Variants in MDGA1 observed in about 807,000 individuals in gnomAD.
The protein encoded by MDGA1 is MAM domain containing glycosylphosphatidylinositol anchor 1.
MDGA1 carries 54 observed loss-of-function variants against 101.5 expected under a neutral mutation model. The ratio of observed to expected loss-of-function variants is 0.53; its 90% CI spans 0.43 to 0.67. The LOEUF (loss-of-function observed/expected upper bound fraction) is 0.67. Ranked by LOEUF, MDGA1 falls within the 30% of genes least tolerant of loss-of-function variation. MDGA1 has a pLI of 0.00. For synonymous variants in MDGA1, 533 were observed against 558.3 expected (o/e 0.95, Z 0.64); for missense variants, 1,083 against 1,323.8 (o/e 0.82, Z 2.82).
At chr6:37,657,262 A>G (rs73734235) in intron 3 of MDGA1, among the ~76,000 whole-genome samples, 7,366 of 152,316 alleles carry the variant, frequency 0.048, 355 homozygotes, top group African/African-American at 0.12. Context: ...CCGTTTTTTT[A>G]AAGGGTCCCC....
intron 7 of MDGA1, among the ~76,000 whole-genome samples, chr6:37,651,238 AATTTCTTTT>A (rs1311076062): frequency 4.6e-5 from 7 of 152,220 alleles, no homozygotes; most frequent in Non-Finnish European, 1.0e-4. Flanking sequence ...TAACACTGTT[AATTTCTTTT>A]ATTCACGGCA....
At chr6:37,693,963 G>A (rs780300656) in intron 1 of MDGA1, among the ~76,000 whole-genome samples, 1 of 152,144 alleles carries the variant, frequency 6.6e-6, no homozygotes, top group Non-Finnish European at 1.5e-5. Context: ...GTGGGAAGCA[G>A]GACATAGGGT....
At chr6:37,695,866 G>T (rs1044565314) in intron 1 of MDGA1, among the ~76,000 whole-genome samples, 5 of 152,206 alleles carry the variant, frequency 3.3e-5, no homozygotes, top group Non-Finnish European at 4.4e-5. Flanking sequence ...TGGGGTTAAG[G>T]CACTGCGGGA....
chr6:37,696,837 CGAGGCGGCGCAGCCCGA>C lies in MDGA1; in HGVS notation c.-43_-27del, dbSNP rs755778254. On this transcript the variant is annotated 5_prime_UTR_variant, in exon 1 of 17. The change abolishes the stop of an existing upstream ORF in the 5' untranslated region. Transcript: ENST00000434837. This position sits in a 1 kb window ranked among gnomAD's most constrained non-coding sequence, Gnocchi z 5.6. Reference sequence around the variant, plus strand: ...CTTCACGGCCGGTGCTTCATCCCCGCGAGGCGGCGCAGCCCGAGAGGCGGCGGGGGGCGCATTCGCCG... The same window carrying C: ...CTTCACGGCCGGTGCTTCATCCCCGCGAGGCGGCGGGGGGCGCATTCGCCG... 4.5e-6 allele frequency: 7 copies of C among 1,554,786 alleles called. No individual in the cohort carries two copies. In the Admixed American group the frequency reaches 1.2e-4, roughly 26 times the overall value.
intron 1 of MDGA1, among the ~76,000 whole-genome samples, chr6:37,680,754 C>T (rs1308779310): frequency 6.6e-6 from 1 of 152,272 alleles, no homozygotes; most frequent in Non-Finnish European, 1.5e-5. Flanking sequence ...GCCCCCCTGC[C>T]ACTTGGCCCA....
At chr6:37,642,783 G>A (rs1441834667) in intron 14 of MDGA1, among the ~76,000 whole-genome samples, 1 of 152,154 alleles carries the variant, frequency 6.6e-6, no homozygotes, top group Non-Finnish European at 1.5e-5. Context: ...CTCCTGGCTG[G>A]TAGCATGAGT....
Position 37,638,299 on chromosome 6 carries a change from C to T in MDGA1, c.2682G>A (p.Gly894=). ...PSGPFQIIFE[G]VRGPGYLGDI... is the part of the protein sequence containing the mutation. ...CCCCCAGGTAGCCCGGGCCTCGAAC[C>T]CCCTCAAAAATAATCTGGGGTGGGG... The change falls in exon 16 of 17, where the codon GGG becomes GGA. Residue 894 remains glycine, a synonymous_variant. Transcript: ENST00000434837. This position sits in a 1 kb window ranked among gnomAD's most constrained non-coding sequence, Gnocchi z 4.8. 3.7e-6 allele frequency: 6 copies of T among 1,608,678 alleles called. No individual in the cohort carries two copies. The highest frequency in any genetic ancestry group is 5.1e-6 in the Non-Finnish European group (6 of 1,177,144).
At chr6:37,684,698 G>A (rs1004581983) in intron 1 of MDGA1, among the ~76,000 whole-genome samples, 1 of 152,200 alleles carries the variant, frequency 6.6e-6, no homozygotes, top group African/African-American at 2.4e-5. Context: ...CTGGCTGGCA[G>A]CTGAGCTCAC....
intron 13 of MDGA1, 147 bp downstream of exon 13, chr6:37,644,350 T>G (rs909034168): frequency 3.7e-5 from 34 of 907,296 alleles, no homozygotes; most frequent in Non-Finnish European, 5.3e-5. Context: ...CGAGGCTGTG[T>G]CTCCCCTCAG....
At position 37,646,312 on chromosome 6, in the gene MDGA1, G is replaced by A. The variant is rs796539096; in HGVS notation, c.2110C>T (p.Leu704=). Residue 704 remains leucine (L), a synonymous_variant, in exon 11 of 17, where the codon CTG becomes TTG. Coordinates refer to ENST00000434837, the MANE Select transcript of MDGA1 (RefSeq NM_153487.4). ...PVRRVEKGQL[L]EYILTDLRVP... is the part of the protein sequence containing the mutation. ...CGGAGATCGGTCAGGATGTACTCCA[G>A]CAGCTGCCCCTTCTCCACACGCCGG... is the stretch of plus-strand genomic sequence containing the variant. 5.0e-6 allele frequency: 8 copies of A among 1,595,104 alleles called. No homozygotes were observed. The African/African-American group carries it at 6.7e-5, about 13-fold the overall frequency.
chr6:37,637,553 C>CTCCAAAGAGGTGGGCAG, intron 16 of MDGA1, 94 bp from the exon 17 acceptor site: 4 of 1,080,748 alleles, frequency 3.7e-6, no homozygotes, highest in African/African-American at 1.5e-5. Flanking sequence ...TTACTCTGCC[C>CTCCAAAGAGGTGGGCAG]ACCTCTTTGG....
chr6:37,662,975 TAAG>T (rs1761661930), intron 2 of MDGA1, among the ~76,000 whole-genome samples: 1 of 152,206 alleles, frequency 6.6e-6, no homozygotes, highest in African/African-American at 2.4e-5. Flanking sequence ...AACACTCCTT[TAAG>T]AAGGAGCAGC....
intron 1 of MDGA1, among the ~76,000 whole-genome samples, chr6:37,689,184 C>A (rs2114107386): frequency 6.6e-6 from 1 of 152,278 alleles, no homozygotes; most frequent in East Asian, 1.9e-4. Context: ...TCCTCCCGCC[C>A]CCTAAACATT....
rs1266342464 is a variant in MDGA1, at chr6:37,649,101, G to T, written c.1775C>A (p.Ala592Asp). 3.3e-6 allele frequency: 5 copies of T among 1,519,976 alleles called. No individual in the cohort carries two copies. The highest frequency in any genetic ancestry group is 8.8e-7 in the Non-Finnish European group (1 of 1,136,278). The allele number at this position is 1,519,976 out of a possible 1,614,324, so 94.2% of individuals were successfully genotyped here. The change falls in exon 9 of 17, where the codon GCC (alanine) becomes GAC (aspartate). Residue 592 changes from alanine (A) to aspartate (D), a missense_variant. Around this residue, in one of 3 missense-constraint regions of MDGA1, gnomAD observed 657 missense variants for 771.4 expected, o/e 0.85. Coordinates refer to ENST00000434837, the MANE Select transcript of MDGA1 (RefSeq NM_153487.4). Reference sequence around the variant, plus strand: ...CAGCTCCGCGTGATCCGGCGCCTCGGCGGCGGCGGGAACAACAGGCGGCGG... The same window carrying T: ...CAGCTCCGCGTGATCCGGCGCCTCGTCGGCGGCGGGAACAACAGGCGGCGG... ...LPPPPVVPAA[A>D]EAPDHAELRL...
intron 12 of MDGA1, 119 bp downstream of exon 12, chr6:37,645,814 C>A: frequency 8.2e-7 from 1 of 1,221,102 alleles, no homozygotes; most frequent in African/African-American, 1.5e-5. Flanking sequence ...CATGGAAACA[C>A]AGGGGGAATT....
Position 37,696,927 on chromosome 6 carries a change from G to C in MDGA1, c.-116C>G. 1 of 856,720 alleles carries C rather than the reference G, an allele frequency of 1.2e-6. No individual in the cohort carries two copies. 53.1% of individuals were successfully genotyped at this position (856,720 alleles called of 1,614,324 possible). A position where few individuals can be genotyped will look rare whatever the true frequency, so the allele number is the denominator to read the frequency against. On this transcript the variant is annotated 5_prime_UTR_variant, in exon 1 of 17. Transcript: ENST00000434837. This position sits in a 1 kb window ranked among gnomAD's most constrained non-coding sequence, Gnocchi z 5.6. ...CCCCCCCTTTCCCTGAGAGGTGAGA[G>C]AGAGAGCGGCGACGAAGACCAGGAG... is the stretch of plus-strand genomic sequence containing the variant.
Position 37,636,730 on chromosome 6 carries a change from T to A in MDGA1, c.*638A>T, listed in dbSNP as rs2113990197. The A allele has an allele frequency of 6.5e-6, 1 of 152,840 alleles. No individual in the cohort carries two copies. The highest frequency in any genetic ancestry group is 1.9e-4 in the East Asian group (1 of 5,186). 9.5% of individuals were successfully genotyped at this position (152,840 alleles called of 1,614,324 possible). The stretch of plus-strand genomic sequence containing the variant: ...ATAGGTCAAGGAATCTGGGGTGACC[T>A]ATGGTCTCCACCATCCAGTGCTCAC... On this transcript the variant is annotated 3_prime_UTR_variant, in exon 17 of 17. Transcript: ENST00000434837.
intron 1 of MDGA1, among the ~76,000 whole-genome samples, chr6:37,681,329 C>CA (rs1762093498): frequency 6.6e-6 from 1 of 152,140 alleles, no homozygotes; most frequent in Admixed American, 6.5e-5. Context: ...CCCTGCCCCC[C>CA]CTCTTCAGGT....
At chr6:37,651,147 CTCACCAGCACAGTTTT>C (rs1473279770) in intron 7 of MDGA1, among the ~76,000 whole-genome samples, 1 of 152,240 alleles carries the variant, frequency 6.6e-6, no homozygotes, top group Non-Finnish European at 1.5e-5. Context: ...GCCCTGACTG[CTCACCAGCACAGTTTT>C]ACATGAAGAA....
Sources: allele counts gnomAD v4.1 joint callset (sites outside exome capture counted in the v4.1 genomes callset), GRCh38; gene constraint gnomAD v4.1.1; regional missense constraint gnomAD v4.1.1; non-coding constraint Gnocchi (gnomAD v3.1); transcripts MANE v1.5; gene names NCBI Gene and HGNC (gene_info 2026-07-23, HGNC 2026-07-21).